The following FAM162A variants were observed in gnomAD, a reference collection of about 807,000 sequenced individuals.
FAM162A encodes protein FAM162A.
Under a neutral mutation model 21.8 loss-of-function variants are expected in FAM162A, and 23 were observed. The observed-to-expected ratio is 1.05, with a 90% CI of 0.76 to 1.49. The LOEUF (loss-of-function observed/expected upper bound fraction) is 1.49. Ranked by LOEUF, FAM162A falls within the 40% of genes most tolerant of loss-of-function variation. The probability of loss-of-function intolerance (pLI) is 0.00; values close to 1 mark genes in which losing one functional copy is unlikely to be tolerated. For synonymous variants in FAM162A, 53 were observed against 61.3 expected, an observed-to-expected ratio of 0.86 and a Z score of 0.64; for missense variants, 165 against 186.4, an observed-to-expected ratio of 0.89 and a Z score of 0.67.
At position 122,410,249 on chromosome 3, in the gene FAM162A, G is replaced by T. The variant is rs1359055045; in HGVS notation, c.*418G>T. On this transcript the variant is annotated 3_prime_UTR_variant, in exon 5 of 5. Coordinates refer to ENST00000477892, the MANE Select transcript of FAM162A (RefSeq NM_014367.4). ...CCTTCTCAAATGTCCTGGTGTACTG[G>T]TGGGGAGGCTGCCCCCTAATAGAGC... is the stretch of plus-strand genomic sequence containing the variant. The T allele has an allele frequency of 1.4e-5, 4 of 288,442 alleles. No homozygotes were observed. Among genetic ancestry groups the T allele is most frequent in the Non-Finnish European group, 2.7e-5 (4 of 147,696 alleles). The allele number at this position is 288,442 out of a possible 1,614,324, so 17.9% of individuals were successfully genotyped here.
intron 1 of FAM162A, among the ~76,000 whole-genome samples, chr3:122,393,445 CTT>C (rs959438265): frequency 6.6e-6 from 1 of 152,090 alleles, no homozygotes; most frequent in African/African-American, 2.4e-5. Context: ...TCACAATAGT[CTT>C]GAAAACCAAC....
intron 1 of FAM162A, among the ~76,000 whole-genome samples, chr3:122,388,561 A>T (rs926516329): frequency 2.6e-5 from 4 of 152,202 alleles, no homozygotes; most frequent in Non-Finnish European, 4.4e-5. Flanking sequence ...GAGGTGTGAC[A>T]TGGTGTAAAT....
chr3:122,409,686 C>A, intron 4 of FAM162A, 53 bp from the exon 5 acceptor site: 1 of 1,523,000 alleles, frequency 6.6e-7, no homozygotes, highest in Non-Finnish European at 9.1e-7. Context: ...AAGGTAAAGA[C>A]ACCCTCCCCT....
At chr3:122,386,080 A>G (rs2075572990) in intron 1 of FAM162A, among the ~76,000 whole-genome samples, 1 of 152,180 alleles carries the variant, frequency 6.6e-6, no homozygotes, top group Admixed American at 6.5e-5. Context: ...CTGTTCATTC[A>G]GGGGCTGTGC....
chr3:122,409,608 G>A (rs188406018), intron 4 of FAM162A, 131 bp from the exon 5 acceptor site: 93 of 730,222 alleles, frequency 1.3e-4, no homozygotes, highest in Non-Finnish European at 1.5e-4. Flanking sequence ...GGAAACTGCC[G>A]TGCTCAGTGT....
intron 4 of FAM162A, 99 bp downstream of exon 4, chr3:122,407,488 A>C (rs754504081): frequency 1.1e-5 from 10 of 879,678 alleles, no homozygotes; most frequent in Non-Finnish European, 1.8e-5. Flanking sequence ...TGAGAAGAGG[A>C]GGCTACTTTC....
At chr3:122,404,457 C>T (rs543590818) in intron 3 of FAM162A, 94 bp downstream of exon 3, 1 of 583,110 alleles carries the variant, frequency 1.7e-6, no homozygotes, top group African/African-American at 1.9e-5. Flanking sequence ...TAAAACTTTT[C>T]AACCAAATTT....
chr3:122,406,749 A>G (rs754714770), intron 3 of FAM162A, among the ~76,000 whole-genome samples: 4 of 152,250 alleles, frequency 2.6e-5, no homozygotes, highest in Non-Finnish European at 4.4e-5. Context: ...AGCTGGGTAT[A>G]TGGAGCACAT....
intron 3 of FAM162A, 45 bp from the exon 4 acceptor site, chr3:122,407,236 G>A: frequency 6.5e-7 from 1 of 1,539,204 alleles, no homozygotes; most frequent in Non-Finnish European, 8.9e-7. Flanking sequence ...ACTTCAGAAA[G>A]GGAAAAGTTA....
chr3:122,403,524 A>G (rs2075662000), intron 2 of FAM162A, among the ~76,000 whole-genome samples: 1 of 152,164 alleles, frequency 6.6e-6, no homozygotes, highest in Non-Finnish European at 1.5e-5. Context: ...CTCCCTTTGC[A>G]CTGATTTTTA....
intron 4 of FAM162A, 125 bp from the exon 5 acceptor site, chr3:122,409,614 A>C: frequency 1.3e-6 from 1 of 755,936 alleles, no homozygotes; most frequent in Non-Finnish European, 2.3e-6. Context: ...TGCCGTGCTC[A>C]GTGTGCAAGC....
At chr3:122,398,336 T>C (rs2075638774) in intron 1 of FAM162A, among the ~76,000 whole-genome samples, 1 of 152,160 alleles carries the variant, frequency 6.6e-6, no homozygotes. Flanking sequence ...GATGGGGAAC[T>C]TTCTAAAAGG....
Position 122,407,343 on chromosome 3 carries a change from C to T in FAM162A, c.326C>T (p.Ala109Val), listed in dbSNP as rs2075681181. ...MRVKISYLMI[A>V]LTVVGCIFMV... ...GTGAAGATCAGCTATCTAATGATTG[C>T]CCTGACGGTGGTAGGATGCATCTTC... The change falls in exon 4 of 5, where the codon GCC becomes GTC. Residue 109 changes from alanine (A) to valine (V), a missense_variant. By Grantham distance (64) the Ala-to-Val change is moderately conservative. Coordinates refer to ENST00000477892, the MANE Select transcript of FAM162A (RefSeq NM_014367.4). 1 of 1,613,870 alleles carries T rather than the reference C, an allele frequency of 6.2e-7. No individual in the cohort carries two copies. The highest frequency in any genetic ancestry group is 8.5e-7 in the Non-Finnish European group (1 of 1,179,926).
intron 1 of FAM162A, among the ~76,000 whole-genome samples, chr3:122,401,080 G>A (rs1431211056): frequency 1.3e-5 from 2 of 152,090 alleles, no homozygotes; most frequent in Non-Finnish European, 2.9e-5. Flanking sequence ...TGAAAGTTGA[G>A]TAATAACTGT....
chr3:122,405,491 G>T (rs1326146300), intron 3 of FAM162A, among the ~76,000 whole-genome samples: 1 of 152,184 alleles, frequency 6.6e-6, no homozygotes, highest in Non-Finnish European at 1.5e-5. Context: ...GGAAATAAGA[G>T]AATACTGGAA....
chr3:122,408,067 T>C (rs886691260), intron 4 of FAM162A: 6 of 152,124 alleles, frequency 3.9e-5, no homozygotes, highest in East Asian at 1.9e-4. Flanking sequence ...AGGCCACATA[T>C]CTCCTTAATG....
At chr3:122,402,966 G>A in intron 2 of FAM162A, 84 bp downstream of exon 2, 1 of 1,450,562 alleles carries the variant, frequency 6.9e-7, no homozygotes, top group Non-Finnish European at 9.2e-7. Flanking sequence ...CAAAAGAGAA[G>A]AGGTTCCTAT....
rs764539831 is a variant in FAM162A, at chr3:122,407,408, T to C, written c.372+19T>C. The C allele has an allele frequency of 3.2e-6, 5 of 1,575,642 alleles. No individual in the cohort carries two copies. Among genetic ancestry groups the C allele is most frequent in the Non-Finnish European group, 4.4e-6 (5 of 1,145,030 alleles). On this transcript the variant is annotated intron_variant, in intron 4 of 4. Coordinates refer to ENST00000477892, the MANE Select transcript of FAM162A (RefSeq NM_014367.4). The stretch of plus-strand genomic sequence containing the variant: ...CAAGAAGGTGAGAAGGGGTTTCTTC[T>C]CTATCCAGTATGTATGTTCTCCACC...
At chr3:122,405,662 CA>C (rs1242785401) in intron 3 of FAM162A, among the ~76,000 whole-genome samples, 3 of 152,176 alleles carry the variant, frequency 2.0e-5, no homozygotes, top group African/African-American at 7.2e-5. Flanking sequence ...CCCTCAGGCC[CA>C]AAATACTACC....
Sources: allele counts gnomAD v4.1 joint callset (sites outside exome capture counted in the v4.1 genomes callset), GRCh38; gene constraint gnomAD v4.1.1; transcripts MANE v1.5; gene names NCBI Gene and HGNC (gene_info 2026-07-23, HGNC 2026-07-21).